The following CRB1 variants were observed in gnomAD, a reference collection of about 807,000 sequenced individuals.
CRB1 encodes protein crumbs homolog 1.
Under a neutral mutation model 120.0 loss-of-function variants are expected in CRB1, and 83 were observed. The ratio of observed to expected loss-of-function variants is 0.69; its 90% CI spans 0.58 to 0.83. CRB1 has a LOEUF of 0.83. Among genes scored for constraint, CRB1 ranks in the 40% least tolerant of loss-of-function variants. The pLI is 0.00. For synonymous variants in CRB1, 625 were observed against 612.5 expected (o/e 1.02, Z -0.30); for missense variants, 1,699 against 1,687.6 (o/e 1.01, Z -0.12).
At chr1:197,452,454 G>A (rs1463427664) in intron 11 of CRB1, among the ~76,000 whole-genome samples, 1 of 152,194 alleles carries the variant, frequency 6.6e-6, no homozygotes, top group African/African-American at 2.4e-5. Context: ...CTTAGAGGAT[G>A]TAGGAGACAA....
chr1:197,419,824 A>AT (rs1664196590), intron 5 of CRB1, among the ~76,000 whole-genome samples: 1 of 150,642 alleles, frequency 6.6e-6, no homozygotes, highest in Non-Finnish European at 1.5e-5. Flanking sequence ...AAAAAAAAAA[A>AT]ATTAACCAGG....
At chr1:197,363,135 G>A (rs573792465) in intron 5 of CRB1, among the ~76,000 whole-genome samples, 2 of 146,090 alleles carry the variant, frequency 1.4e-5, no homozygotes, top group African/African-American at 5.0e-5. Flanking sequence ...TTCTATTTAG[G>A]TTTTTTTTTT....
intron 5 of CRB1, among the ~76,000 whole-genome samples, chr1:197,360,717 C>T (rs1054031066): frequency 2.6e-5 from 4 of 152,076 alleles, no homozygotes; most frequent in African/African-American, 9.7e-5. Flanking sequence ...TTGTAGATTC[C>T]AGGGCATTGT....
intron 11 of CRB1, chr1:197,444,928 C>CACAG (rs1179143450): frequency 6.6e-6 from 1 of 151,826 alleles, no homozygotes; most frequent in African/African-American, 2.4e-5. Context: ...CACACACACA[C>CACAG]ACACACCACA....
At chr1:197,218,584 G>T in the CRB1 span, among the ~76,000 whole-genome samples, 1 of 152,200 alleles carries the variant, frequency 6.6e-6, no homozygotes, top group African/African-American at 2.4e-5. Flanking sequence ...GGTCAATGAA[G>T]TTGGATCCAT....
At chr1:197,465,120 A>C (rs1666697075) in intron 11 of CRB1, among the ~76,000 whole-genome samples, 1 of 152,220 alleles carries the variant, frequency 6.6e-6, no homozygotes, top group Non-Finnish European at 1.5e-5. Context: ...CAAAGCATAA[A>C]ATAACCACTT....
chr1:197,223,223 A>G, the CRB1 span: 20 of 1,167,010 alleles, frequency 1.7e-5, no homozygotes, highest in Admixed American at 1.7e-5. Context: ...CATCATTTAT[A>G]GGATTACAAA....
chr1:197,359,418 T>C lies in CRB1; in HGVS notation c.1171+2405T>C, dbSNP rs543325926. The stretch of plus-strand genomic sequence containing the variant: ...GAGGTTGTGTGTATCAATAGTTTGT[T>C]CCTTTTCATTGCTAAGTAAAATTCG... On this transcript the variant is annotated intron_variant, in intron 5 of 11. Transcript: ENST00000367400. Among the ~76,000 whole-genome samples, 52 of 152,316 alleles carry C rather than the reference T, an allele frequency of 3.4e-4. No homozygotes were observed. In the Middle Eastern group the frequency reaches 0.014, roughly 40 times the overall value.
intron 2 of CRB1, among the ~76,000 whole-genome samples, chr1:197,341,882 A>G (rs1303965825): frequency 2.0e-5 from 3 of 152,136 alleles, no homozygotes; most frequent in Admixed American, 6.5e-5. Flanking sequence ...CCATGAGTCC[A>G]CTAGTGGGAC....
chr1:197,287,279 A>G (rs1266819458), intron 1 of CRB1, among the ~76,000 whole-genome samples: 2 of 151,966 alleles, frequency 1.3e-5, no homozygotes, highest in African/African-American at 4.8e-5. Context: ...AGTTTCACCT[A>G]CTGTAACCAG....
intron 5 of CRB1, among the ~76,000 whole-genome samples, chr1:197,400,259 A>G (rs895738212): frequency 2.6e-5 from 4 of 151,424 alleles, no homozygotes; most frequent in Middle Eastern, 3.2e-3. Context: ...CATCCTTCAC[A>G]GCATTGTGCC....
At chr1:197,268,567 T>C (rs1654730150) in intron 1 of CRB1, 85 bp downstream of exon 1, 1 of 1,073,952 alleles carries the variant, frequency 9.3e-7, no homozygotes, top group Admixed American at 1.7e-5. Flanking sequence ...TGTTGCATGT[T>C]CTATAAAATA....
intron 1 of CRB1, among the ~76,000 whole-genome samples, chr1:197,272,472 TTTTCAAAAA>T (rs1350742308): frequency 1.3e-5 from 2 of 152,040 alleles, no homozygotes; most frequent in Admixed American, 6.6e-5. Context: ...TCATTGGTGA[TTTTCAAAAA>T]TTATCATTCA....
chr1:197,243,041 G>T, the CRB1 span, among the ~76,000 whole-genome samples: 1 of 151,518 alleles, frequency 6.6e-6, no homozygotes, highest in Admixed American at 6.6e-5. Flanking sequence ...ATTTTTTATT[G>T]CATCTATCTG....
In CRB1 at chr1:197,453,831, AAT is replaced by A. The variant is rs1295587677; in HGVS notation, c.4005+11544_4005+11545del. Among the ~76,000 whole-genome samples the A allele has an allele frequency of 5.2e-3, 743 of 142,782 alleles. 12 individuals carry two copies. The highest frequency in any genetic ancestry group is 0.018 in the African/African-American group (704 of 38,806). 93.7% of individuals were successfully genotyped at this position (142,782 alleles called of 152,430 possible). A position where few individuals can be genotyped will look rare whatever the true frequency, so the allele number is the denominator to read the frequency against. ...AATATATTGTTAATTATTAATTATT[AAT>A]ATATTATCAATATTATTATTAATAT... On this transcript the variant is annotated intron_variant, in intron 11 of 11. Coordinates refer to ENST00000367400, the MANE Select transcript of CRB1 (RefSeq NM_201253.3).
At chr1:197,461,725 A>G (rs546980096) in intron 11 of CRB1, among the ~76,000 whole-genome samples, 9 of 152,270 alleles carry the variant, frequency 5.9e-5, no homozygotes, top group African/African-American at 2.2e-4. Context: ...ATTGGGCTCG[A>G]CACATGAATC....
chr1:197,452,768 A>C (rs773389900), intron 11 of CRB1, among the ~76,000 whole-genome samples: 5 of 152,200 alleles, frequency 3.3e-5, no homozygotes, highest in Non-Finnish European at 7.3e-5. Flanking sequence ...TAAATAAGTT[A>C]CACATATGTA....
rs979806704 is a variant in CRB1, at chr1:197,453,849, TTATTAATATA to T, written c.4005+11567_4005+11576del. Among the ~76,000 whole-genome samples, 130 of 142,708 alleles carry T rather than the reference TTATTAATATA, an allele frequency of 9.1e-4. 2 individuals are homozygous for T. The highest frequency in any genetic ancestry group is 3.2e-3 in the African/African-American group (125 of 39,056). 93.6% of individuals were successfully genotyped at this position (142,708 alleles called of 152,430 possible). A position where few individuals can be genotyped will look rare whatever the true frequency, so the allele number is the denominator to read the frequency against. The stretch of plus-strand genomic sequence containing the variant: ...AATTATTAATATATTATCAATATTA[TTATTAATATA>T]TATTAATATTATTAATAATATATAT... On this transcript the variant is annotated intron_variant, in intron 11 of 11. Coordinates refer to ENST00000367400, the MANE Select transcript of CRB1 (RefSeq NM_201253.3).
chr1:197,216,275 C>T, the CRB1 span, among the ~76,000 whole-genome samples: 1 of 152,154 alleles, frequency 6.6e-6, no homozygotes, highest in African/African-American at 2.4e-5. Context: ...AACACTATAG[C>T]TCCCATATTA....
Sources: gnomAD v4.1 joint callset for allele counts (sites outside exome capture counted in the v4.1 genomes callset) on GRCh38, gnomAD v4.1.1 for gene constraint, MANE v1.5 for transcripts, NCBI Gene and HGNC (gene_info 2026-07-23, HGNC 2026-07-21) for gene names.